WDR70: variants seen among roughly 807,000 people sequenced by gnomAD.
WDR70 encodes WD repeat domain 70.
A neutral mutation model predicts 88.6 loss-of-function variants in WDR70; 53 were observed. The observed-to-expected ratio is 0.60, with a 90% CI of 0.48 to 0.75. WDR70 has a LOEUF of 0.75. WDR70 is among the 30% of genes least tolerant of loss of function. The probability of loss-of-function intolerance (pLI) is 0.00; values close to 1 mark genes in which losing one functional copy is unlikely to be tolerated. For missense variants in WDR70, 610 were observed against 823.2 expected (o/e 0.74, Z 3.17); for synonymous variants, 280 against 270.0 (o/e 1.04, Z -0.36).
chr5:37,698,801 A>C (rs902311177), intron 11 of WDR70, among the ~76,000 whole-genome samples: 5 of 152,158 alleles, frequency 3.3e-5, no homozygotes, highest in African/African-American at 1.2e-4. Flanking sequence ...ACTCATTCAG[A>C]TTCTCTTTAA....
intron 7 of WDR70, among the ~76,000 whole-genome samples, chr5:37,449,614 A>AAAAAAAAAAAAAAT (rs1738607337): frequency 8.3e-6 from 1 of 120,708 alleles, no homozygotes; most frequent in African/African-American, 2.9e-5. Flanking sequence ...TAAAAAATAA[A>AAAAAAAAAAAAAAT]AAATAAATAA....
intron 10 of WDR70, among the ~76,000 whole-genome samples, chr5:37,661,746 C>T (rs1319429263): frequency 1.3e-5 from 2 of 152,098 alleles, no homozygotes; most frequent in South Asian, 2.1e-4. Flanking sequence ...CAGTCTGGGT[C>T]GTGTTAGCTG....
chr5:37,405,071 T>A (rs1749311834), intron 5 of WDR70, among the ~76,000 whole-genome samples: 1 of 152,108 alleles, frequency 6.6e-6, no homozygotes, highest in Non-Finnish European at 1.5e-5. Flanking sequence ...TGAAAATGTT[T>A]GAAAATACCA....
intron 10 of WDR70, among the ~76,000 whole-genome samples, chr5:37,690,205 G>C (rs1194962319): frequency 1.3e-5 from 2 of 152,176 alleles, no homozygotes; most frequent in Non-Finnish European, 2.9e-5. Context: ...AGAAATATGG[G>C]ACTATGTGAA....
intron 9 of WDR70, among the ~76,000 whole-genome samples, chr5:37,551,282 G>GTGAGAAAGTGAGACTCTTT (rs1742136503): frequency 6.6e-6 from 1 of 151,518 alleles, no homozygotes; most frequent in African/African-American, 2.4e-5. Context: ...TCCAGCCTGG[G>GTGAGAAAGTGAGACTCTTT]CAACAGGAGT....
intron 9 of WDR70, among the ~76,000 whole-genome samples, chr5:37,541,373 C>G (rs1009355754): frequency 1.3e-5 from 2 of 152,060 alleles, no homozygotes; most frequent in Admixed American, 1.3e-4. Context: ...CAGGGAGGCA[C>G]TCTGAAGAAA....
chr5:37,618,077 C>A (rs1744395285), intron 10 of WDR70, among the ~76,000 whole-genome samples: 1 of 151,974 alleles, frequency 6.6e-6, no homozygotes, highest in African/African-American at 2.4e-5. Context: ...GTAAACATGG[C>A]AGAAATAGAA....
rs11958622 is a variant in WDR70, at chr5:37,416,035, C to A, written c.492+19465C>A. On this transcript the variant is annotated intron_variant, in intron 5 of 17. Coordinates refer to ENST00000265107, the MANE Select transcript of WDR70 (RefSeq NM_018034.4). The stretch of plus-strand genomic sequence containing the variant: ...GCTCCTCACTTTCCAGACTGGGCAG[C>A]CAGGCAGAGGGGCTCCTCACATCCC... Among the ~76,000 whole-genome samples the A allele has an allele frequency of 3.9e-3, 589 of 151,470 alleles. 2 individuals are homozygous for A. The highest frequency in any genetic ancestry group is 6.3e-3 in the Non-Finnish European group (430 of 67,876).
chr5:37,721,071 T>C (rs768826058), intron 13 of WDR70, 44 bp from the exon 14 acceptor site: 57 of 1,570,762 alleles, frequency 3.6e-5, no homozygotes, highest in Non-Finnish European at 4.9e-5. Flanking sequence ...TGTTTCCATT[T>C]TTATCTGGCC....
At chr5:37,552,600 A>G (rs184333109) in intron 9 of WDR70, among the ~76,000 whole-genome samples, 296 of 152,336 alleles carry the variant, frequency 1.9e-3, no homozygotes, top group African/African-American at 6.5e-3. Context: ...AAGAGGCAAA[A>G]AAGGGGTCCC....
intron 10 of WDR70, among the ~76,000 whole-genome samples, chr5:37,618,570 A>G (rs1193715532): frequency 1.3e-5 from 2 of 152,090 alleles, no homozygotes; most frequent in Non-Finnish European, 2.9e-5. Flanking sequence ...GGGTTTCATC[A>G]TGTTGGCCAG....
chr5:37,424,388 G>C (rs922968071), intron 5 of WDR70, among the ~76,000 whole-genome samples: 1 of 139,324 alleles, frequency 7.2e-6, no homozygotes, highest in Non-Finnish European at 1.6e-5. Context: ...CTTTGCAAGT[G>C]ACAATTTAAT....
intron 9 of WDR70, among the ~76,000 whole-genome samples, chr5:37,549,548 C>G (rs898434100): frequency 9.2e-5 from 14 of 152,004 alleles, no homozygotes; most frequent in Admixed American, 9.2e-4. Flanking sequence ...AGTCTTTAGA[C>G]TTTTGCAAAC....
chr5:37,705,398 A>C (rs542025661), intron 13 of WDR70, among the ~76,000 whole-genome samples: 2 of 152,308 alleles, frequency 1.3e-5, no homozygotes, highest in South Asian at 4.1e-4. Flanking sequence ...GAAAAGCTGG[A>C]AGACAAATTA....
chr5:37,663,047 A>G (rs553020742), intron 10 of WDR70, among the ~76,000 whole-genome samples: 1 of 152,330 alleles, frequency 6.6e-6, no homozygotes, highest in Admixed American at 6.5e-5. Context: ...TTTGCTTCAA[A>G]TTGATTTTCT....
chr5:37,502,178 CT>C (rs919302119), intron 8 of WDR70, among the ~76,000 whole-genome samples: 1 of 151,150 alleles, frequency 6.6e-6, no homozygotes, highest in Admixed American at 6.6e-5. Context: ...GCTAGGTTTC[CT>C]TTTTTTTTAT....
chr5:37,554,675 C>G (rs979951589), intron 9 of WDR70, among the ~76,000 whole-genome samples: 2 of 93,612 alleles, frequency 2.1e-5, no homozygotes, highest in Non-Finnish European at 4.1e-5. Context: ...CATGCACCTG[C>G]ACGCACACAC....
At chr5:37,450,067 G>T (rs1738629086) in intron 7 of WDR70, among the ~76,000 whole-genome samples, 1 of 152,138 alleles carries the variant, frequency 6.6e-6, no homozygotes, top group Non-Finnish European at 1.5e-5. Flanking sequence ...TCCCTGCAAA[G>T]GATATGAACT....
At chr5:37,432,482 G>A (rs1269478561) in intron 5 of WDR70, among the ~76,000 whole-genome samples, 2 of 152,112 alleles carry the variant, frequency 1.3e-5, no homozygotes, top group Non-Finnish European at 2.9e-5. Flanking sequence ...TCCGCCTCCT[G>A]AGTTCAAGCG....
Sources: allele counts gnomAD v4.1 joint callset (sites outside exome capture counted in the v4.1 genomes callset), GRCh38; gene constraint gnomAD v4.1.1; transcripts MANE v1.5; gene names NCBI Gene and HGNC (gene_info 2026-07-23, HGNC 2026-07-21).